The following FAR1 variants were observed in gnomAD, a reference collection of about 807,000 sequenced individuals.
FAR1 encodes male sterility domain-containing protein 2.
FAR1 carries 22 observed loss-of-function variants against 61.1 expected under a neutral mutation model. That is an observed-to-expected ratio of 0.36 (90% confidence interval 0.26 to 0.51). The LOEUF (loss-of-function observed/expected upper bound fraction) is 0.51, where lower values mean the gene tolerates loss of function less well. Ranked by LOEUF, FAR1 falls within the 20% of genes least tolerant of loss-of-function variation. The pLI is 0.95. For synonymous variants in FAR1, 206 were observed against 209.7 expected (o/e 0.98, Z 0.15); for missense variants, 359 against 626.9 (o/e 0.57, Z 4.56).
chr11:13,690,354 T>C (rs1407449843), intron 1 of FAR1, among the ~76,000 whole-genome samples: 1 of 152,234 alleles, frequency 6.6e-6, no homozygotes, highest in Non-Finnish European at 1.5e-5. Context: ...TTGCCTTTTC[T>C]CTTTATTGTT....
intron 1 of FAR1, among the ~76,000 whole-genome samples, chr11:13,689,434 C>T (rs897941768): frequency 5.3e-5 from 8 of 152,174 alleles, no homozygotes; most frequent in Non-Finnish European, 1.0e-4. Flanking sequence ...ACTAGCTCAA[C>T]GCTCCCTTTG....
rs1216592767 is a variant in FAR1, at chr11:13,708,441, G to GCA, written c.545+363_545+364insAC. ...CCCCACCCCATATACATGTGCGCGC[G>GCA]CGCGCGCACACACACACACACACAC... On this transcript the variant is annotated intron_variant, in intron 4 of 11. Coordinates refer to ENST00000354817, the MANE Select transcript of FAR1 (RefSeq NM_032228.6). Among the ~76,000 whole-genome samples, 23 of 79,890 alleles carry GCA rather than the reference G, an allele frequency of 2.9e-4. No individual in the cohort carries two copies. In the South Asian group the frequency reaches 5.0e-3, roughly 17 times the overall value. 52.4% of individuals were successfully genotyped at this position (79,890 alleles called of 152,430 possible).
At chr11:13,675,257 CAG>C (rs1848054308) in intron 1 of FAR1, among the ~76,000 whole-genome samples, 1 of 151,992 alleles carries the variant, frequency 6.6e-6, no homozygotes, top group South Asian at 2.1e-4. Context: ...ATATGTGAAA[CAG>C]AATGTAGCAA....
chr11:13,688,603 G>A (rs1848215087), intron 1 of FAR1, among the ~76,000 whole-genome samples: 1 of 151,950 alleles, frequency 6.6e-6, no homozygotes, highest in Non-Finnish European at 1.5e-5. Flanking sequence ...AAACTTTCTG[G>A]TGCCTGGTAC....
chr11:13,714,072 T>A (rs1176460348), intron 8 of FAR1, among the ~76,000 whole-genome samples: 3 of 152,264 alleles, frequency 2.0e-5, no homozygotes, highest in African/African-American at 7.2e-5. Flanking sequence ...TTTTGGGTTG[T>A]TTTAAGCCTG....
At chr11:13,722,773 G>A (rs959351709) in intron 10 of FAR1, among the ~76,000 whole-genome samples, 2 of 151,388 alleles carry the variant, frequency 1.3e-5, no homozygotes, top group Non-Finnish European at 2.9e-5. Flanking sequence ...CATCACACCC[G>A]GCACAGTTCT....
chr11:13,696,691 G>A (rs1257124104), intron 2 of FAR1, among the ~76,000 whole-genome samples: 1 of 152,038 alleles, frequency 6.6e-6, no homozygotes, highest in Non-Finnish European at 1.5e-5. Context: ...TATGCCTTCA[G>A]TTACCTCCTG....
chr11:13,690,341 G>A (rs1216743530), intron 1 of FAR1, among the ~76,000 whole-genome samples: 1 of 151,706 alleles, frequency 6.6e-6, no homozygotes, highest in Non-Finnish European at 1.5e-5. Context: ...CTTTTACTCT[G>A]GTTTGCCTTT....
chr11:13,711,829 A>AT, intron 6 of FAR1, 21 bp downstream of exon 6: 1 of 1,586,228 alleles, frequency 6.3e-7, no homozygotes, highest in Non-Finnish European at 8.6e-7. Flanking sequence ...CTTTTGATTT[A>AT]TTTAATATTC....
intron 10 of FAR1, chr11:13,723,363 A>T (rs1360393366): frequency 1.1e-5 from 1 of 87,638 alleles, no homozygotes. Flanking sequence ...AGAGTCTCTC[A>T]AAAAAAAAAA....
In FAR1 at chr11:13,731,771, C is replaced by CCA. The variant is rs1848729083; in HGVS notation, c.*2998_*2999dup. On this transcript the variant is annotated 3_prime_UTR_variant, in exon 12 of 12. Coordinates refer to ENST00000354817, the MANE Select transcript of FAR1 (RefSeq NM_032228.6). ...TCTAAAAAGAGTAACCAAGATACCTCCAGGGTGTCATTGGGTTCCAGCTGC... is the reference window on the plus strand; with the variant it reads ...TCTAAAAAGAGTAACCAAGATACCTCCACAGGGTGTCATTGGGTTCCAGCTGC... The CCA allele has an allele frequency of 6.6e-6, 1 of 152,050 alleles. No individual in the cohort carries two copies. The highest frequency in any genetic ancestry group is 2.1e-4 in the South Asian group (1 of 4,818). 9.4% of individuals were successfully genotyped at this position (152,050 alleles called of 1,614,324 possible). A position where few individuals can be genotyped will look rare whatever the true frequency, so the allele number is the denominator to read the frequency against.
chr11:13,687,057 T>C (rs1305753401), intron 1 of FAR1, among the ~76,000 whole-genome samples: 1 of 152,216 alleles, frequency 6.6e-6, no homozygotes, highest in Admixed American at 6.5e-5. Flanking sequence ...AGCAAGTAAA[T>C]ATATCTTAAG....
At chr11:13,685,035 T>C (rs1378067711) in intron 1 of FAR1, among the ~76,000 whole-genome samples, 1 of 152,190 alleles carries the variant, frequency 6.6e-6, no homozygotes, top group Non-Finnish European at 1.5e-5. Flanking sequence ...GTAAGATCTC[T>C]CTGTGGATCA....
rs1301491584 is a variant in FAR1, at chr11:13,711,879, TACAC to T, written c.769-48_769-45del. On this transcript the variant is annotated intron_variant, in intron 6 of 11. Transcript: ENST00000354817. ...CTTTTTGTATATCTTTAAATATATA[TACAC>T]TATGGCTTATATATCTTAAGGTGTT... 3.2e-6 allele frequency: 5 copies of T among 1,552,900 alleles called. No individual in the cohort carries two copies. The African/African-American group carries it at 6.8e-5, about 21-fold the overall frequency.
chr11:13,709,806 A>G (rs1848477755), intron 4 of FAR1, among the ~76,000 whole-genome samples: 1 of 152,114 alleles, frequency 6.6e-6, no homozygotes, highest in South Asian at 2.1e-4. Context: ...ATGCTTTCTT[A>G]TCAATTAGTA....
chr11:13,700,211 A>T, intron 2 of FAR1, 106 bp from the exon 3 acceptor site: 3 of 796,536 alleles, frequency 3.8e-6, no homozygotes, highest in Non-Finnish European at 3.9e-6. Context: ...TGTATAGTTT[A>T]AGTTTCTAAA....
chr11:13,675,591 A>G lies in FAR1; in HGVS notation c.-8+6785A>G, dbSNP rs531939763. On this transcript the variant is annotated intron_variant, in intron 1 of 11. Transcript: ENST00000354817. The stretch of plus-strand genomic sequence containing the variant: ...TTAGGACACACTACTTTGTGAATAT[A>G]TCACTGTTCGTGGTTAATTTTTTGG... 2.6e-5 allele frequency among the ~76,000 whole-genome samples: 4 copies of G among 152,332 alleles called. No individual in the cohort carries two copies. In the East Asian group the frequency reaches 5.8e-4, roughly 22 times the overall value.
Position 13,708,061 on chromosome 11 carries a change from A to G in FAR1, c.527A>G (p.Lys176Arg), listed in dbSNP as rs762663138. Reference protein sequence around the residue: ...VVYPPPVDPKKLIDSLEWMDD... With the variant: ...VVYPPPVDPKRLIDSLEWMDD... ...TATCCACCACCTGTGGATCCCAAGAAGCTGATTGATTCTTTAGAGTATGTT... is the reference window on the plus strand; with the variant it reads ...TATCCACCACCTGTGGATCCCAAGAGGCTGATTGATTCTTTAGAGTATGTT... Residue 176 changes from lysine to arginine, a missense_variant, in exon 4 of 12, where the codon AAG (lysine) becomes AGG (arginine). Coordinates refer to ENST00000354817, the MANE Select transcript of FAR1 (RefSeq NM_032228.6). The G allele has an allele frequency of 1.3e-6, 2 of 1,592,246 alleles. No individual in the cohort carries two copies. Among genetic ancestry groups the G allele is most frequent in the East Asian group, 2.3e-5 (1 of 43,874 alleles).
intron 1 of FAR1, among the ~76,000 whole-genome samples, chr11:13,684,337 A>G (rs1848162875): frequency 6.6e-6 from 1 of 152,232 alleles, no homozygotes; most frequent in Non-Finnish European, 1.5e-5. Flanking sequence ...AAAAATTTTT[A>G]GACTATTTCT....
Sources: gnomAD v4.1 joint callset for allele counts (sites outside exome capture counted in the v4.1 genomes callset) on GRCh38, gnomAD v4.1.1 for gene constraint, MANE v1.5 for transcripts, NCBI Gene and HGNC (gene_info 2026-07-23, HGNC 2026-07-21) for gene names.